SVIL: variants seen among roughly 807,000 people sequenced by gnomAD.
The protein encoded by SVIL is supervillin, also known as archvillin.
SVIL carries 101 observed loss-of-function variants against 240.4 expected under a neutral mutation model. The observed-to-expected ratio is 0.42, with a 90% confidence interval of 0.36 to 0.50. The LOEUF is 0.50. Ranked by LOEUF, SVIL falls within the 20% of genes least tolerant of loss-of-function variation. The pLI is 0.01. For missense variants in SVIL, 2,512 were observed against 2,818.7 expected, an observed-to-expected ratio of 0.89 and a Z score of 2.46; for synonymous variants, 999 against 1,100.0, an observed-to-expected ratio of 0.91 and a Z score of 1.82.
In SVIL at chr10:29,545,974, G is replaced by A. The variant is rs147236255; in HGVS notation, c.827+4623C>T. Among the ~76,000 whole-genome samples the A allele has an allele frequency of 1.6e-3, 241 of 151,984 alleles. 2 individuals carry two copies. In the Middle Eastern group the frequency reaches 0.021, roughly 13 times the overall value. On this transcript the variant is annotated intron_variant, in intron 6 of 37. Coordinates refer to ENST00000355867, the MANE Select transcript of SVIL (RefSeq NM_021738.3). ...TCCCTGAGAACAGAGAGTGATGGCC[G>A]GATGCTCAGCAAAGGCAACAGCAGG... is the stretch of plus-strand genomic sequence containing the variant.
intron 1 of SVIL, among the ~76,000 whole-genome samples, chr10:29,579,454 CAAACA>C (rs1025749324): frequency 1.3e-5 from 2 of 151,370 alleles, no homozygotes; most frequent in East Asian, 2.0e-4. Flanking sequence ...ACAAAACAAA[CAAACA>C]AAACAAAAAA....
intron 3 of SVIL, among the ~76,000 whole-genome samples, chr10:29,645,802 G>C (rs1006414739): frequency 7.2e-5 from 11 of 152,220 alleles, no homozygotes; most frequent in Admixed American, 7.2e-4. Context: ...TTATTCATTA[G>C]CAAGTACAAG....
At chr10:29,608,144 C>T (rs1957093640) in intron 1 of SVIL, among the ~76,000 whole-genome samples, 1 of 152,182 alleles carries the variant, frequency 6.6e-6, no homozygotes, top group South Asian at 2.1e-4. Context: ...CAACATTACC[C>T]CCGCCTCCTC....
intron 29 of SVIL, among the ~76,000 whole-genome samples, chr10:29,479,617 C>T (rs1564481089): frequency 2.0e-5 from 3 of 152,138 alleles, no homozygotes; most frequent in Non-Finnish European, 2.9e-5. Flanking sequence ...AAGTGTCTTC[C>T]GTAGAGTAGG....
chr10:29,549,987 C>A (rs4749452), intron 6 of SVIL, among the ~76,000 whole-genome samples: 39,592 of 104,852 alleles, frequency 0.38, 7,476 homozygotes, highest in East Asian at 0.4. Context: ...CTAACCTGCA[C>A]ATTGTGCACA....
At position 29,484,604 on chromosome 10, in the gene SVIL, C is replaced by G. The variant is rs372792579; in HGVS notation, c.4955+52G>C. The G allele has an allele frequency of 3.2e-6, 5 of 1,548,078 alleles. No homozygotes were observed. In the African/African-American group the frequency reaches 6.8e-5, roughly 21 times the overall value. On this transcript the variant is annotated intron_variant, in intron 27 of 37. Coordinates refer to ENST00000355867, the MANE Select transcript of SVIL (RefSeq NM_021738.3). This position sits in a 1 kb window ranked among gnomAD's most constrained non-coding sequence, Gnocchi z 4.7. ...AGGACTGTGGTGAGAACAGAGGGAT[C>G]GAAGGGAATCAGCTCGCTTGAAGAG...
chr10:29,500,214 T>C lies in SVIL; in HGVS notation c.3517-951A>G, dbSNP rs528382260. 4.0e-3 allele frequency among the ~76,000 whole-genome samples: 529 copies of C among 133,904 alleles called. 4 individuals are homozygous for C. The highest frequency in any genetic ancestry group is 4.6e-3 in the Middle Eastern group (1 of 218). 87.8% of individuals were successfully genotyped at this position (133,904 alleles called of 152,430 possible). On this transcript the variant is annotated intron_variant, in intron 17 of 37. Coordinates refer to ENST00000355867, the MANE Select transcript of SVIL (RefSeq NM_021738.3). The stretch of plus-strand genomic sequence containing the variant: ...GTATTGGGGAGAAGAGTGTAGGTGG[T>C]GGTCGCGGGCGATACCAGGGCAGGA...
upstream of SVIL, among the ~76,000 whole-genome samples, chr10:29,637,240 T>G (rs1219405956): frequency 6.6e-6 from 1 of 152,122 alleles, no homozygotes; most frequent in Non-Finnish European, 1.5e-5. Flanking sequence ...ATCCCAGCAC[T>G]TTGGTAGGCC....
chr10:29,681,406 GGTGTGTGTGTGTGT>G (rs55839039), intron 2 of SVIL, among the ~76,000 whole-genome samples: 10 of 134,888 alleles, frequency 7.4e-5, no homozygotes, highest in African/African-American at 2.3e-4. Flanking sequence ...AAGATGGAAT[GGTGTGTGTGTGTGT>G]GTGTGTGTGT....
intron 3 of SVIL, among the ~76,000 whole-genome samples, chr10:29,556,725 C>T (rs928926676): frequency 6.6e-6 from 1 of 152,184 alleles, no homozygotes; most frequent in South Asian, 2.1e-4. Context: ...GAATGGTGCA[C>T]CCCGCCATGC....
At chr10:29,703,956 C>T (rs1222031452) in intron 1 of SVIL, among the ~76,000 whole-genome samples, 1 of 152,082 alleles carries the variant, frequency 6.6e-6, no homozygotes, top group East Asian at 1.9e-4. Context: ...CACATGACAC[C>T]ACCCCAGCTA....
chr10:29,694,890 A>G (rs1022315346), intron 1 of SVIL, among the ~76,000 whole-genome samples: 2 of 152,236 alleles, frequency 1.3e-5, no homozygotes, highest in Non-Finnish European at 2.9e-5. Context: ...GGACAGAATT[A>G]TAAGGAAACT....
rs1945870539 is a variant in SVIL, at chr10:29,473,899, A to G, written c.5468T>C (p.Val1823Ala). Residue 1823 changes from valine to alanine, a missense_variant, in exon 30 of 38, where the codon GTG (valine) becomes GCG (alanine). Coordinates refer to ENST00000355867, the MANE Select transcript of SVIL (RefSeq NM_021738.3). ...CAGCGCCGACGTGCCCTTCTCACTC[A>G]CGGTGGAGTGCCGGCCTTGCCAGAA... ...YFFWQGRHST[V>A]SEKGTSALMT... The G allele has an allele frequency of 6.2e-7, 1 of 1,613,668 alleles. No individual in the cohort carries two copies. Among genetic ancestry groups the G allele is most frequent in the Non-Finnish European group, 8.5e-7 (1 of 1,179,912 alleles).
At chr10:29,603,456 G>T (rs898198084) in intron 1 of SVIL, among the ~76,000 whole-genome samples, 2 of 152,316 alleles carry the variant, frequency 1.3e-5, no homozygotes, top group African/African-American at 4.8e-5. Flanking sequence ...AAGCAAAAAT[G>T]GAAAAGCATT....
intron 28 of SVIL, 129 bp downstream of exon 28, chr10:29,481,455 A>T: frequency 1.6e-6 from 2 of 1,229,928 alleles, no homozygotes; most frequent in Non-Finnish European, 2.3e-6. Context: ...GAATGTTCTC[A>T]CCACAAAGAA....
At chr10:29,621,142 C>T (rs1254771222) in intron 1 of SVIL, among the ~76,000 whole-genome samples, 1 of 152,114 alleles carries the variant, frequency 6.6e-6, no homozygotes, top group Non-Finnish European at 1.5e-5. Flanking sequence ...ATCACTACCT[C>T]CATGTAAGAA....
chr10:29,524,164 G>C, intron 14 of SVIL, 137 bp from the exon 15 acceptor site: 1 of 1,004,112 alleles, frequency 1.0e-6, no homozygotes, highest in Non-Finnish European at 1.4e-6. Context: ...AACCATTCCT[G>C]GACATAGTTA....
chr10:29,677,030 T>G (rs1420201974), intron 2 of SVIL, among the ~76,000 whole-genome samples: 2 of 152,246 alleles, frequency 1.3e-5, no homozygotes, highest in Non-Finnish European at 2.9e-5. Context: ...TAATCATTGC[T>G]ATTTAAATGT....
At chr10:29,724,772 G>C (rs1267659503) in intron 1 of SVIL, among the ~76,000 whole-genome samples, 1 of 151,922 alleles carries the variant, frequency 6.6e-6, no homozygotes, top group Non-Finnish European at 1.5e-5. Context: ...CTGTAATCCC[G>C]GCACTTTGGG....
Sources: allele counts gnomAD v4.1 joint callset (sites outside exome capture counted in the v4.1 genomes callset), GRCh38; gene constraint gnomAD v4.1.1; non-coding constraint Gnocchi (gnomAD v3.1); transcripts MANE v1.5; gene names NCBI Gene and HGNC (gene_info 2026-07-23, HGNC 2026-07-21).